FGF13: variants seen among roughly 807,000 people sequenced by gnomAD.
The protein encoded by FGF13 is fibroblast growth factor 13.
In FGF13, 2 loss-of-function variants were observed where a neutral mutation model predicts 19.5. The observed-to-expected ratio is 0.10, with a 90% CI of 0.04 to 0.32. FGF13 has a LOEUF of 0.32. FGF13 is among the 10% of genes least tolerant of loss of function. The probability of loss-of-function intolerance (pLI) is 1.00; values close to 1 mark genes in which losing one functional copy is unlikely to be tolerated. For missense variants in FGF13, 113 were observed against 192.7 expected (o/e 0.59, Z 2.45); for synonymous variants, 72 against 76.9 (o/e 0.94, Z 0.33).
intron 1 of FGF13, among the ~76,000 whole-genome samples, chrX:139,065,498 A>AAAAAAAAAAAAAG (rs1569449080): frequency 1.2e-5 from 1 of 84,225 alleles, no homozygotes; most frequent in East Asian, 3.4e-4. Context: ...AAAAAAAAGA[A>AAAAAAAAAAAAAG]AAAGAAAAAA....
At chrX:139,060,217 A>G (rs1229257112) in intron 1 of FGF13, among the ~76,000 whole-genome samples, 2 of 110,882 alleles carry the variant, frequency 1.8e-5, no homozygotes, top group Non-Finnish European at 3.8e-5. Flanking sequence ...TTCTTCTATT[A>G]TTTATATTTA....
At chrX:139,043,109 G>T (rs569780157) in intron 1 of FGF13, among the ~76,000 whole-genome samples, 1 of 111,279 alleles carries the variant, frequency 9.0e-6, no homozygotes, top group Admixed American at 9.5e-5. Context: ...GTAACATCCT[G>T]GCTTTATACC....
intron 3 of FGF13, among the ~76,000 whole-genome samples, chrX:138,662,044 T>C (rs1194007332): frequency 1.8e-5 from 2 of 111,756 alleles, no homozygotes; most frequent in African/African-American, 6.5e-5. Context: ...AAAATGCAAA[T>C]AAACAATGCA....
At chrX:139,096,424 T>A (rs1487583697) in intron 1 of FGF13, among the ~76,000 whole-genome samples, 1 of 111,339 alleles carries the variant, frequency 9.0e-6, no homozygotes, top group Non-Finnish European at 1.9e-5. Flanking sequence ...GGTACCAGGT[T>A]ATGAAAGTTA....
At chrX:138,866,378 G>C (rs1194730830) in intron 1 of FGF13, among the ~76,000 whole-genome samples, 1 of 112,514 alleles carries the variant, frequency 8.9e-6, no homozygotes, top group Non-Finnish European at 1.9e-5. Context: ...ATGTTTTTCT[G>C]AGCTTAGAAG....
At position 138,626,757 on chromosome X, in the gene FGF13, A is replaced by G. The variant is rs2089067137; in HGVS notation, c.*6093T>C. ...ACACACACACGCACACAGAAACAATAGGGTAGTGTTTGTTCTGTGTATATC... is the reference window on the plus strand; with the variant it reads ...ACACACACACGCACACAGAAACAATGGGGTAGTGTTTGTTCTGTGTATATC... On this transcript the variant is annotated 3_prime_UTR_variant, in exon 5 of 5. Transcript: ENST00000315930. 9.0e-6 allele frequency: 1 copy of G among 111,636 alleles called. No individual in the cohort carries two copies. The highest frequency in any genetic ancestry group is 3.8e-4 in the South Asian group (1 of 2,642). The allele number at this position is 111,636 out of a possible 1,213,427, so 9.2% of individuals were successfully genotyped here. A position where few individuals can be genotyped will look rare whatever the true frequency, so the allele number is the denominator to read the frequency against.
chrX:138,825,711 TG>T (rs2091029466), intron 3 of FGF13, among the ~76,000 whole-genome samples: 1 of 111,869 alleles, frequency 8.9e-6, no homozygotes, highest in Non-Finnish European at 1.9e-5. Flanking sequence ...GTATTTAAAG[TG>T]CAGCGACTAG....
chrX:139,071,555 G>A (rs940835845), intron 1 of FGF13, among the ~76,000 whole-genome samples: 2 of 111,596 alleles, frequency 1.8e-5, no homozygotes, highest in Middle Eastern at 4.6e-3. Context: ...TGTTTATGCA[G>A]CCCATGCTTA....
intron 3 of FGF13, among the ~76,000 whole-genome samples, chrX:138,690,131 C>G (rs1325204070): frequency 9.0e-6 from 1 of 111,258 alleles, no homozygotes; most frequent in Non-Finnish European, 1.9e-5. Flanking sequence ...TGTTAACCAC[C>G]CATCTAATCA....
intron 1 of FGF13, among the ~76,000 whole-genome samples, chrX:138,919,961 T>G (rs750048356): frequency 9.0e-6 from 1 of 111,422 alleles, no homozygotes; most frequent in African/African-American, 3.3e-5. Flanking sequence ...CTGGGGAATG[T>G]TGTATAGGAC....
rs942410150 is a variant in FGF13, at chrX:138,681,606, G to C, written c.402+21378C>G. ...CTTTGCATTTACAACTTGGTTAGCT[G>C]GTGCAAGAGGCCTAGTTTTTGGCTT... On this transcript the variant is annotated intron_variant, in intron 3 of 4. Transcript: ENST00000315930. Among the ~76,000 whole-genome samples the C allele has an allele frequency of 3.6e-5, 4 of 112,639 alleles. No homozygotes were observed. The East Asian group carries it at 1.1e-3, about 31-fold the overall frequency.
At chrX:138,771,313 G>C (rs761566024) in intron 3 of FGF13, among the ~76,000 whole-genome samples, 2 of 111,195 alleles carry the variant, frequency 1.8e-5, no homozygotes, top group Admixed American at 1.9e-4. Context: ...AGTTAAAATT[G>C]GTCTTACTGC....
At chrX:138,906,264 T>C (rs1041062671) in intron 1 of FGF13, among the ~76,000 whole-genome samples, 2 of 112,292 alleles carry the variant, frequency 1.8e-5, no homozygotes, top group East Asian at 5.6e-4. Flanking sequence ...GTATGTACCA[T>C]GCAGAGTTAC....
chrX:138,873,119 G>C (rs1333152789), intron 1 of FGF13, among the ~76,000 whole-genome samples: 3 of 111,870 alleles, frequency 2.7e-5, no homozygotes, highest in African/African-American at 9.8e-5. Context: ...GGCCTTCATA[G>C]TATTGGAGAA....
chrX:138,699,060 C>T (rs189800507), intron 3 of FGF13, among the ~76,000 whole-genome samples: 7 of 111,812 alleles, frequency 6.3e-5, no homozygotes, highest in Non-Finnish European at 7.5e-5. Context: ...CCCTGTTTAC[C>T]TGTGGTTACC....
chrX:139,118,341 A>G (rs2083653804), intron 1 of FGF13, among the ~76,000 whole-genome samples: 1 of 112,076 alleles, frequency 8.9e-6, no homozygotes, highest in Non-Finnish European at 1.9e-5. Flanking sequence ...ACGTAACCTC[A>G]TCATAAGTTA....
intron 1 of FGF13, among the ~76,000 whole-genome samples, chrX:138,956,902 T>C (rs1056520643): frequency 8.9e-6 from 1 of 111,803 alleles, no homozygotes; most frequent in African/African-American, 3.3e-5. Flanking sequence ...AAATTATATA[T>C]GTAAAAGTAC....
intron 1 of FGF13, among the ~76,000 whole-genome samples, chrX:138,949,813 G>A (rs984439858): frequency 2.7e-5 from 3 of 111,786 alleles, no homozygotes. Context: ...TATATAATCA[G>A]GTTGAGACCA....
At chrX:138,799,853 T>C (rs1418641836) in intron 3 of FGF13, among the ~76,000 whole-genome samples, 2 of 111,801 alleles carry the variant, frequency 1.8e-5, no homozygotes, top group African/African-American at 6.5e-5. Context: ...TGTCTTTTTT[T>C]ATCTTTGTTG....
Sources: allele counts gnomAD v4.1 joint callset (sites outside exome capture counted in the v4.1 genomes callset), GRCh38; gene constraint gnomAD v4.1.1; transcripts MANE v1.5; gene names NCBI Gene and HGNC (gene_info 2026-07-23, HGNC 2026-07-21).